The following MDGA2 variants were observed in gnomAD, a reference collection of about 807,000 sequenced individuals.
MDGA2 encodes MAM domain containing glycosylphosphatidylinositol anchor 2.
Under a neutral mutation model 117.8 loss-of-function variants are expected in MDGA2, and 40 were observed. That is an observed-to-expected ratio of 0.34 (90% confidence interval 0.26 to 0.44). MDGA2 has a LOEUF of 0.44. Ranked by LOEUF, MDGA2 falls within the 20% of genes least tolerant of loss-of-function variation. MDGA2 has a pLI of 1.00. For missense variants in MDGA2, 1,123 were observed against 1,250.6 expected (o/e 0.90, Z 1.54); for synonymous variants, 452 against 439.0 (o/e 1.03, Z -0.37).
intron 1 of MDGA2, among the ~76,000 whole-genome samples, chr14:47,571,266 G>A (rs899881546): frequency 5.9e-5 from 9 of 152,204 alleles, no homozygotes; most frequent in Admixed American, 4.6e-4. Context: ...AGATGCTGGA[G>A]AAGATGTGGA....
intron 3 of MDGA2, among the ~76,000 whole-genome samples, chr14:47,174,025 C>T (rs886996863): frequency 1.3e-5 from 2 of 152,012 alleles, no homozygotes; most frequent in Non-Finnish European, 2.9e-5. Context: ...AGACTTTAAA[C>T]CAACAAAGAT....
intron 2 of MDGA2, among the ~76,000 whole-genome samples, chr14:47,289,551 A>T (rs1018765452): frequency 1.3e-5 from 2 of 152,034 alleles, no homozygotes; most frequent in Non-Finnish European, 2.9e-5. Flanking sequence ...GAGTCTTCAA[A>T]TAATAAAAAT....
intron 5 of MDGA2, among the ~76,000 whole-genome samples, chr14:47,124,756 A>T (rs1408558002): frequency 6.6e-6 from 1 of 152,024 alleles, no homozygotes; most frequent in African/African-American, 2.4e-5. Context: ...AGAGGAAGGG[A>T]CACTAGAGCT....
In MDGA2 at chr14:47,377,350, T is replaced by A. The variant is rs150400125; in HGVS notation, c.281-75800A>T. The stretch of plus-strand genomic sequence containing the variant: ...ATTGCTAACTGAGGTACCGGGTTCA[T>A]CTCGCTGGGTCTTGTCAGACAGTGG... On this transcript the variant is annotated intron_variant, in intron 1 of 16. Transcript: ENST00000399232. 7.2e-5 allele frequency among the ~76,000 whole-genome samples: 11 copies of A among 152,214 alleles called. No homozygotes were observed. In the East Asian group the frequency reaches 2.1e-3, roughly 30 times the overall value.
rs1044393096 is a variant in MDGA2, at chr14:47,169,524, T to C, written c.596-25250A>G. Reference sequence around the variant, plus strand: ...ATAGATACTAACAAAAAAATTCATATTTATTGGTAACCAGTAATTTTGCTA... The same window carrying C: ...ATAGATACTAACAAAAAAATTCATACTTATTGGTAACCAGTAATTTTGCTA... On this transcript the variant is annotated intron_variant, in intron 3 of 16. Transcript: ENST00000399232. Among the ~76,000 whole-genome samples the C allele has an allele frequency of 7.9e-5, 12 of 152,060 alleles. No homozygotes were observed. The East Asian group carries it at 2.3e-3, about 29-fold the overall frequency.
intron 2 of MDGA2, among the ~76,000 whole-genome samples, chr14:47,250,770 C>A (rs1396514145): frequency 6.6e-6 from 1 of 152,168 alleles, no homozygotes; most frequent in African/African-American, 2.4e-5. Context: ...AGATATGTGT[C>A]TTTTGTTAAA....
intron 1 of MDGA2, among the ~76,000 whole-genome samples, chr14:47,583,549 T>C (rs1005222933): frequency 1.3e-5 from 2 of 151,902 alleles, no homozygotes; most frequent in Non-Finnish European, 2.9e-5. Flanking sequence ...AATTGATAAA[T>C]ATCTTAACAC....
intron 11 of MDGA2, among the ~76,000 whole-genome samples, chr14:46,881,074 G>A (rs1217068122): frequency 1.3e-5 from 2 of 148,160 alleles, no homozygotes; most frequent in African/African-American, 4.9e-5. Flanking sequence ...TTAGCAATAT[G>A]AAAAATGAAT....
At chr14:46,868,152 C>A (rs189855878) in intron 14 of MDGA2, among the ~76,000 whole-genome samples, 1 of 151,616 alleles carries the variant, frequency 6.6e-6, no homozygotes, top group African/African-American at 2.4e-5. Context: ...TTACAGGGGT[C>A]AGTGTGATAA....
chr14:47,260,318 A>C (rs574464469), intron 2 of MDGA2, among the ~76,000 whole-genome samples: 1 of 152,184 alleles, frequency 6.6e-6, no homozygotes, highest in African/African-American at 2.4e-5. Flanking sequence ...ACTATAATCA[A>C]ATTTTGTGTG....
intron 1 of MDGA2, among the ~76,000 whole-genome samples, chr14:47,504,388 T>C (rs879144791): frequency 1.3e-5 from 2 of 152,086 alleles, no homozygotes; most frequent in Admixed American, 1.3e-4. Flanking sequence ...GTGGGTAATT[T>C]TACATATACA....
chr14:46,982,386 T>C (rs1250980760), intron 8 of MDGA2, among the ~76,000 whole-genome samples: 2 of 152,056 alleles, frequency 1.3e-5, no homozygotes, highest in Admixed American at 6.6e-5. Context: ...AGTTTTAATA[T>C]ATTGGTATAA....
chr14:47,071,550 G>GT (rs796320044), intron 6 of MDGA2, among the ~76,000 whole-genome samples: 21 of 150,412 alleles, frequency 1.4e-4, no homozygotes, highest in African/African-American at 2.2e-4. Flanking sequence ...GTGTCTGTGG[G>GT]TTTTTTTTTT....
At chr14:47,297,940 A>G (rs187101026) in intron 2 of MDGA2, among the ~76,000 whole-genome samples, 1 of 152,266 alleles carries the variant, frequency 6.6e-6, no homozygotes, top group Admixed American at 6.5e-5. Context: ...TTTCTATTAC[A>G]TGCTGACATA....
At chr14:47,218,502 T>C (rs748317111) in intron 2 of MDGA2, among the ~76,000 whole-genome samples, 1 of 152,154 alleles carries the variant, frequency 6.6e-6, no homozygotes, top group African/African-American at 2.4e-5. Flanking sequence ...ATTGAAAATA[T>C]AGATTAACTT....
intron 1 of MDGA2, among the ~76,000 whole-genome samples, chr14:47,619,631 G>A (rs538287693): frequency 5.3e-5 from 8 of 152,262 alleles, no homozygotes; most frequent in African/African-American, 1.4e-4. Flanking sequence ...AAGGGAGCAC[G>A]TAGCACAACT....
intron 8 of MDGA2, among the ~76,000 whole-genome samples, chr14:47,018,840 T>TG (rs34920695): frequency 0.36 from 53,722 of 150,088 alleles, 10,606 homozygotes; most frequent in East Asian, 0.6. Context: ...TACCTATTGA[T>TG]GCTGTTGAAC....
chr14:47,257,778 G>T lies in MDGA2; in HGVS notation c.421-39583C>A, dbSNP rs189819080. Among the ~76,000 whole-genome samples, 95 of 152,274 alleles carry T rather than the reference G, an allele frequency of 6.2e-4. 1 individual carries two copies. The highest frequency in any genetic ancestry group is 2.2e-3 in the African/African-American group (91 of 41,570). Reference sequence around the variant, plus strand: ...CAGAGGAGTCTGGGCCTCAGAAAGAGAACCTGAAGACTTAGGTCAGTTCTT... The same window carrying T: ...CAGAGGAGTCTGGGCCTCAGAAAGATAACCTGAAGACTTAGGTCAGTTCTT... On this transcript the variant is annotated intron_variant, in intron 2 of 16. Coordinates refer to ENST00000399232, the MANE Select transcript of MDGA2 (RefSeq NM_001113498.3).
At chr14:47,510,861 A>T (rs892393169) in intron 1 of MDGA2, among the ~76,000 whole-genome samples, 6 of 152,128 alleles carry the variant, frequency 3.9e-5, no homozygotes, top group Non-Finnish European at 7.4e-5. Context: ...GTTGTCATTT[A>T]CTCAGCCCAG....
Sources: allele counts gnomAD v4.1 joint callset (sites outside exome capture counted in the v4.1 genomes callset), GRCh38; gene constraint gnomAD v4.1.1; transcripts MANE v1.5; gene names NCBI Gene and HGNC (gene_info 2026-07-23, HGNC 2026-07-21).